CHD1: variants seen among roughly 807,000 people sequenced by gnomAD.
CHD1 encodes the protein ATP-dependent chromatin remodeler CHD1.
A neutral mutation model predicts 224.2 loss-of-function variants in CHD1; 36 were observed. The observed-to-expected ratio is 0.16, with a 90% CI of 0.12 to 0.21. CHD1 has a LOEUF of 0.21. Among genes scored for constraint, CHD1 ranks in the 10% least tolerant of loss-of-function variants. The pLI, the probability that CHD1 is intolerant of heterozygous loss-of-function variation, is 1.00. For synonymous variants in CHD1, 668 were observed against 658.3 expected, an observed-to-expected ratio of 1.01 and a Z score of -0.23; for missense variants, 1,378 against 1,994.8, an observed-to-expected ratio of 0.69 and a Z score of 5.89.
intron 2 of CHD1, among the ~76,000 whole-genome samples, chr5:98,922,407 A>C (rs879304972): frequency 6.6e-6 from 1 of 152,276 alleles, no homozygotes; most frequent in Admixed American, 6.5e-5. Context: ...AAAGAGACAT[A>C]TTTTTCCTGT....
chr5:98,887,021 T>C (rs1166727769), intron 17 of CHD1, among the ~76,000 whole-genome samples: 1 of 152,130 alleles, frequency 6.6e-6, no homozygotes, highest in Admixed American at 6.5e-5. Flanking sequence ...ACAAGAGGAA[T>C]AGCTAAAGGC....
intron 22 of CHD1, 44 bp downstream of exon 22, chr5:98,881,032 C>A: frequency 1.8e-6 from 2 of 1,083,914 alleles, no homozygotes; most frequent in South Asian, 1.3e-5. Context: ...AACTCAATTC[C>A]TCTCAATTTA....
intron 5 of CHD1, 88 bp from the exon 6 acceptor site, chr5:98,901,423 A>T (rs1428168040): frequency 9.9e-7 from 1 of 1,010,728 alleles, no homozygotes; most frequent in African/African-American, 1.6e-5. Flanking sequence ...CAACCAAACT[A>T]TATTCGCTAT....
At chr5:98,880,961 C>T (rs1750132005) in intron 22 of CHD1, 115 bp downstream of exon 22, 1 of 707,516 alleles carries the variant, frequency 1.4e-6, no homozygotes, top group Non-Finnish European at 2.5e-6. Context: ...GTAGTTTTTA[C>T]ATAACACAGC....
chr5:98,866,146 G>A (rs976686577), intron 31 of CHD1, among the ~76,000 whole-genome samples: 5 of 152,088 alleles, frequency 3.3e-5, no homozygotes, highest in East Asian at 1.9e-4. Flanking sequence ...AAACAAAAAC[G>A]GTTACCCTTG....
At chr5:98,916,933 T>G (rs1482819295) in intron 2 of CHD1, among the ~76,000 whole-genome samples, 1 of 149,170 alleles carries the variant, frequency 6.7e-6, no homozygotes, top group African/African-American at 2.5e-5. Context: ...ATATCCGACC[T>G]CTGCCTTTTA....
Position 98,903,843 on chromosome 5 carries a change from C to T in CHD1, c.321G>A (p.Gln107=), listed in dbSNP as rs1316940969. 2 of 1,613,228 alleles carry T rather than the reference C, an allele frequency of 1.2e-6. No homozygotes were observed. The highest frequency in any genetic ancestry group is 1.7e-6 in the Non-Finnish European group (2 of 1,179,446). Residue 107 remains glutamine, a synonymous_variant, in exon 4 of 36, where the codon CAG becomes CAA. Transcript: ENST00000614616. ...QRSAILKKQQ[Q]QQQQQQHQAS... ...CTTGATGTTGTTGTTGCTGCTGCTG[C>T]TGTTGCTGCTTCTTGAGGATTGCAG... is the stretch of plus-strand genomic sequence containing the variant.
Position 98,889,064 on chromosome 5 carries a change from A to T in CHD1, c.2343+12T>A. The T allele has an allele frequency of 6.5e-7, 1 of 1,530,198 alleles. No homozygotes were observed. Among genetic ancestry groups the T allele is most frequent in the Non-Finnish European group, 8.9e-7 (1 of 1,118,812 alleles). 94.8% of individuals were successfully genotyped at this position (1,530,198 alleles called of 1,614,324 possible). ...ACTTTATCACAAAGAAACAACATTT[A>T]AAAATTCTTACTTGTAAGGCCTCCT... is the stretch of plus-strand genomic sequence containing the variant. On this transcript the variant is annotated intron_variant, in intron 16 of 35. Coordinates refer to ENST00000614616, the MANE Select transcript of CHD1 (RefSeq NM_001270.4).
intron 15 of CHD1, 46 bp from the exon 16 acceptor site, chr5:98,889,284 C>G (rs1357094941): frequency 7.3e-7 from 1 of 1,364,868 alleles, no homozygotes; most frequent in South Asian, 1.4e-5. Context: ...GAACAATTAC[C>G]AGGATAAATT....
At chr5:98,924,702 G>A (rs1262370537) in intron 2 of CHD1, among the ~76,000 whole-genome samples, 3 of 152,190 alleles carry the variant, frequency 2.0e-5, no homozygotes, top group East Asian at 1.9e-4. Flanking sequence ...CAGGCCTGGC[G>A]TGGTGGCTCA....
Position 98,872,033 on chromosome 5 carries a change from T to C in CHD1, c.3861+18A>G, listed in dbSNP as rs1448402806. 6.4e-7 allele frequency: 1 copy of C among 1,572,714 alleles called. No homozygotes were observed. The highest frequency in any genetic ancestry group is 2.3e-5 in the East Asian group (1 of 43,930). ...AATTCAACATGAATGGTTAACAGAA[T>C]CAGAAATAGATAAATACCTTGTGTG... On this transcript the variant is annotated intron_variant, in intron 28 of 35. Coordinates refer to ENST00000614616, the MANE Select transcript of CHD1 (RefSeq NM_001270.4).
At chr5:98,920,848 AC>A (rs1753046715) in intron 2 of CHD1, among the ~76,000 whole-genome samples, 1 of 152,006 alleles carries the variant, frequency 6.6e-6, no homozygotes, top group Non-Finnish European at 1.5e-5. Flanking sequence ...TCTACAGGAT[AC>A]CTGGCCAGTA....
chr5:98,857,929 A>G (rs1410259830), intron 35 of CHD1, among the ~76,000 whole-genome samples: 1 of 152,124 alleles, frequency 6.6e-6, no homozygotes, highest in Non-Finnish European at 1.5e-5. Flanking sequence ...CACGCAATTT[A>G]TAATCATACA....
intron 15 of CHD1, among the ~76,000 whole-genome samples, chr5:98,890,045 T>C (rs1455323998): frequency 1.3e-5 from 2 of 152,098 alleles, no homozygotes; most frequent in African/African-American, 4.8e-5. Flanking sequence ...CACTGTCGAC[T>C]ACTAGAGGGG....
chr5:98,910,599 T>C (rs1347989121), intron 2 of CHD1, among the ~76,000 whole-genome samples: 2 of 152,164 alleles, frequency 1.3e-5, no homozygotes, highest in African/African-American at 4.8e-5. Flanking sequence ...TCCCCTATAG[T>C]AACCATTCAA....
chr5:98,914,922 A>G (rs2112607937), intron 2 of CHD1, among the ~76,000 whole-genome samples: 1 of 152,278 alleles, frequency 6.6e-6, no homozygotes, highest in Non-Finnish European at 1.5e-5. Context: ...TCATTAAGTC[A>G]GGACCTTTAT....
chr5:98,923,995 C>T (rs1753280839), intron 2 of CHD1, among the ~76,000 whole-genome samples: 1 of 152,158 alleles, frequency 6.6e-6, no homozygotes, highest in South Asian at 2.1e-4. Flanking sequence ...GCAGCTCACA[C>T]CTGTAATCCC....
At chr5:98,916,757 A>C (rs1366806399) in intron 2 of CHD1, among the ~76,000 whole-genome samples, 1 of 152,132 alleles carries the variant, frequency 6.6e-6, no homozygotes, top group African/African-American at 2.4e-5. Context: ...ATTTGGTTAA[A>C]AAATGTGAAA....
At position 98,870,376 on chromosome 5, in the gene CHD1, T is replaced by C. The variant is rs555205475; in HGVS notation, c.3978+311A>G. Among the ~76,000 whole-genome samples the C allele has an allele frequency of 5.9e-5, 9 of 152,168 alleles. No homozygotes were observed. The East Asian group carries it at 1.5e-3, about 26-fold the overall frequency. On this transcript the variant is annotated intron_variant, in intron 29 of 35. Transcript: ENST00000614616. ...CTAATGACTCCAAGTAAAACAGTCA[T>C]GTAGGCTATGTAAGGCTTGACTTCT...
Sources: allele counts gnomAD v4.1 joint callset (sites outside exome capture counted in the v4.1 genomes callset), GRCh38; gene constraint gnomAD v4.1.1; transcripts MANE v1.5; gene names NCBI Gene and HGNC (gene_info 2026-07-23, HGNC 2026-07-21).